ZNF232: variants seen among roughly 807,000 people sequenced by gnomAD.
ZNF232 encodes the protein zinc finger protein 232.
Under a neutral mutation model 25.2 loss-of-function variants are expected in ZNF232, and 25 were observed. The observed-to-expected ratio is 0.99, with a 90% CI of 0.72 to 1.39. The LOEUF (loss-of-function observed/expected upper bound fraction) is 1.39. Ranked by LOEUF, ZNF232 falls within the 40% of genes most tolerant of loss-of-function variation. The pLI, the probability that ZNF232 is intolerant of heterozygous loss-of-function variation, is 0.00. For synonymous variants in ZNF232, 193 were observed against 182.9 expected, an observed-to-expected ratio of 1.06 and a Z score of -0.45; for missense variants, 519 against 520.9, an observed-to-expected ratio of 1.00 and a Z score of 0.04.
chr17:5,109,221 CTCTT>C, intron 2 of ZNF232, 169 bp from the exon 3 acceptor site: 1 of 1,229,026 alleles, frequency 8.1e-7, no homozygotes. Context: ...GAGCTAGAGT[CTCTT>C]TCTCATTCAG....
rs745496847 is a variant in ZNF232 at position 5,109,570 on chromosome 17, GCCAC to G, written c.318_321del (p.Glu106AspfsTer2). The G allele has an allele frequency of 5.9e-5, 96 of 1,614,090 alleles. No homozygotes were observed. The highest frequency in any genetic ancestry group is 1.6e-4 in the Middle Eastern group (1 of 6,084). Reference sequence around the variant, plus strand: ...TCCTTCGTGTGTTTCTCTGGCCTCAGCCACTCACAGCAGAGTACTCGTAGTTGGC... The same window carrying G: ...TCCTTCGTGTGTTTCTCTGGCCTCAGTCACAGCAGAGTACTCGTAGTTGGC... On this transcript the variant is annotated frameshift_variant, in exon 2 of 4. Transcript: ENST00000575898. LOFTEE classifies it high-confidence loss of function.
chr17:5,109,181 C>T, intron 2 of ZNF232, 129 bp from the exon 3 acceptor site: 1 of 1,393,542 alleles, frequency 7.2e-7, no homozygotes, highest in Non-Finnish European at 9.9e-7. Context: ...TTTAGAGAGC[C>T]TCCTCAGAGT....
At chr17:5,110,634 T>A (rs2072380884) in intron 1 of ZNF232, among the ~76,000 whole-genome samples, 2 of 152,160 alleles carry the variant, frequency 1.3e-5, no homozygotes, top group South Asian at 4.1e-4. Flanking sequence ...AAGTCCCCTT[T>A]AAGGAGCTGG....
intron 1 of ZNF232, chr17:5,122,974 T>TA (rs2072743969): frequency 6.6e-6 from 1 of 152,664 alleles, no homozygotes; most frequent in East Asian, 1.9e-4. Flanking sequence ...GTTGGAAACT[T>TA]ACTGCAATCG....
In ZNF232 at chr17:5,121,252, T is replaced by C. The variant is rs144724830; in HGVS notation, c.-530+1725A>G. ...CCAACGTGGGTGCAGAGGGTCTTTG[T>C]GTGCAGGTGCCTTTGGGGCCCCATA... is the stretch of plus-strand genomic sequence containing the variant. On this transcript the variant is annotated intron_variant, in intron 1 of 4. Coordinates refer to the ZNF232 transcript ENST00000250076. 5.4e-5 allele frequency: 20 copies of C among 370,796 alleles called. No homozygotes were observed. The East Asian group carries it at 1.5e-3, about 27-fold the overall frequency. The allele number at this position is 370,796 out of a possible 1,614,324, so 23.0% of individuals were successfully genotyped here.
chr17:5,112,010 T>C (rs2072428218), upstream of ZNF232: 1 of 857,758 alleles, frequency 1.2e-6, no homozygotes, highest in Non-Finnish European at 1.7e-6. Flanking sequence ...TTCCTGGACT[T>C]GAGCGGAGCG....
chr17:5,118,367 A>C (rs1379961549), intron 1 of ZNF232: 2 of 152,432 alleles, frequency 1.3e-5, no homozygotes, highest in Admixed American at 1.3e-4. Flanking sequence ...GCCTGTGACC[A>C]GACCAGGCAT....
chr17:5,118,438 T>TG (rs1292111316), intron 1 of ZNF232: 2 of 152,400 alleles, frequency 1.3e-5, no homozygotes, highest in Non-Finnish European at 2.9e-5. Flanking sequence ...AAGCTCCATT[T>TG]GGGGTCTGCG....
At chr17:5,109,173 T>TA in intron 2 of ZNF232, 121 bp from the exon 3 acceptor site, 1 of 1,443,186 alleles carries the variant, frequency 6.9e-7, no homozygotes, top group Non-Finnish European at 9.5e-7. Flanking sequence ...AAGGAGACTT[T>TA]AGAGAGCCTC....
At chr17:5,105,739 A>C (rs1034919179) in exon 4 of ZNF232, 2 of 1,308,174 alleles carry the variant, frequency 1.5e-6, no homozygotes, top group Non-Finnish European at 2.1e-6. Flanking sequence ...AAAAATCTTA[A>C]GGAACTTATA....
At chr17:5,108,988 G>A in exon 3 of ZNF232, 2 of 1,614,144 alleles carry the variant, frequency 1.2e-6, no homozygotes, top group Non-Finnish European at 1.7e-6. Context: ...TTCCTGGGCT[G>A]CTCCCAGAGA....
At chr17:5,116,072 C>T (rs944017772), upstream of ZNF232, among the ~76,000 whole-genome samples, 3 of 152,216 alleles carry the variant, frequency 2.0e-5, no homozygotes, top group African/African-American at 7.2e-5. Context: ...GCCCCGACGC[C>T]CAGCTCCAAA....
At chr17:5,108,933 T>G (rs1310121244) in exon 3 of ZNF232, 1 of 1,614,018 alleles carries the variant, frequency 6.2e-7, no homozygotes, top group East Asian at 2.2e-5. Context: ...CACCACTCTT[T>G]GGGAAAGGCT....
chr17:5,117,575 A>T (rs2076309210), intron 1 of ZNF232, among the ~76,000 whole-genome samples: 1 of 151,992 alleles, frequency 6.6e-6, no homozygotes, highest in Non-Finnish European at 1.5e-5. Flanking sequence ...ATGGGGTCGC[A>T]TCAGAATATA....
At chr17:5,111,692 C>A in intron 1 of ZNF232, 108 bp downstream of exon 1, 1 of 1,574,554 alleles carries the variant, frequency 6.4e-7, no homozygotes. Context: ...CACACACAAC[C>A]GCGGAGCTGC....
rs149599722 is a variant in ZNF232 at position 5,109,675 on chromosome 17, T to C, written c.217A>G (p.Thr73Ala). Residue 73 changes from threonine (T) to alanine (A), a missense_variant, in exon 2 of 4, where the codon ACC becomes GCC. Coordinates refer to ENST00000575898, the Ensembl canonical transcript of ZNF232. ...CGTTGGCGGAAGATCTCTTGACTGG[T>C]AGAGTGGTTCCCAGGTAGCCTGGTC... is the stretch of plus-strand genomic sequence containing the variant. 1.2e-4 allele frequency: 195 copies of C among 1,614,084 alleles called. No homozygotes were observed. Among genetic ancestry groups the C allele is most frequent in the Non-Finnish European group, 1.6e-4 (187 of 1,180,028 alleles).
intron 1 of ZNF232, chr17:5,120,892 G>A: frequency 2.2e-6 from 1 of 454,546 alleles, no homozygotes; most frequent in South Asian, 1.6e-5. Flanking sequence ...CAGTTGGAAG[G>A]ACTTTGGAAA....
chr17:5,106,309 C>T lies in ZNF232; in HGVS notation c.823G>A (p.Glu275Lys), dbSNP rs1389995436. Residue 275 changes from glutamate to lysine, a missense_variant, in exon 4 of 4, where the codon GAA becomes AAA. Coordinates refer to ENST00000575898, the Ensembl canonical transcript of ZNF232. ...ATGACAACCATCTGCCTGAAACTTTCCTCCTGGGCAGGGGACCACCTCAGT... is the reference window on the plus strand; with the variant it reads ...ATGACAACCATCTGCCTGAAACTTTTCTCCTGGGCAGGGGACCACCTCAGT... 7 of 1,614,242 alleles carry T rather than the reference C, an allele frequency of 4.3e-6. 1 individual carries two copies. Among genetic ancestry groups the T allele is most frequent in the Non-Finnish European group, 5.9e-6 (7 of 1,180,046 alleles).
intron 1 of ZNF232, among the ~76,000 whole-genome samples, chr17:5,121,977 G>A (rs1419779968): frequency 6.6e-6 from 1 of 152,122 alleles, no homozygotes; most frequent in Non-Finnish European, 1.5e-5. Flanking sequence ...GCCATGGAGG[G>A]ATTTGGAGCT....
Sources: allele counts gnomAD v4.1 joint callset (sites outside exome capture counted in the v4.1 genomes callset), GRCh38; gene constraint gnomAD v4.1.1; transcripts MANE v1.5; gene names NCBI Gene and HGNC (gene_info 2026-07-23, HGNC 2026-07-21).